JHY: variants seen among roughly 807,000 people sequenced by gnomAD.
The protein encoded by JHY is junctional cadherin complex regulator, also known as jhy protein homolog.
Under a neutral mutation model 78.0 loss-of-function variants are expected in JHY, and 69 were observed. The ratio of observed to expected loss-of-function variants is 0.88; its 90% CI spans 0.73 to 1.08. The LOEUF is 1.08. Ranked by LOEUF, JHY falls within the 50% of genes least tolerant of loss-of-function variation. The pLI, the probability that JHY is intolerant of heterozygous loss-of-function variation, is 0.00. For missense variants in JHY, 944 were observed against 927.8 expected, an observed-to-expected ratio of 1.02 and a Z score of -0.23; for synonymous variants, 368 against 342.6, an observed-to-expected ratio of 1.07 and a Z score of -0.82.
intron 2 of JHY, among the ~76,000 whole-genome samples, chr11:122,894,351 C>T (rs1862692195): frequency 6.6e-6 from 1 of 151,720 alleles, no homozygotes; most frequent in Non-Finnish European, 1.5e-5. Flanking sequence ...AAACAAAAAG[C>T]CACGTAAAAG....
chr11:122,885,757 TCAGGTAAC>T lies in JHY; in HGVS notation c.-89-3_-85del. ...CAGAGTAACATAAATATATTTTTTTTCAGGTAACGCTTTTGTGAACCACAACTTTAAAT... is the reference window on the plus strand; with the variant it reads ...CAGAGTAACATAAATATATTTTTTTTGCTTTTGTGAACCACAACTTTAAAT... On this transcript the variant is annotated splice_acceptor_variant and splice_polypyrimidine_tract_variant and 5_prime_UTR_variant and intron_variant, in exon 2 of 9. Transcript: ENST00000227349. LOFTEE classifies it low-confidence loss of function (5UTR_SPLICE). The T allele has an allele frequency of 1.1e-6, 1 of 935,602 alleles. No individual in the cohort carries two copies. Among genetic ancestry groups the T allele is most frequent in the Admixed American group, 2.5e-5 (1 of 40,598 alleles). The allele number at this position is 935,602 out of a possible 1,614,324, so 58.0% of individuals were successfully genotyped here.
intron 6 of JHY, among the ~76,000 whole-genome samples, chr11:122,954,641 G>A (rs528610973): frequency 6.6e-6 from 1 of 152,326 alleles, no homozygotes; most frequent in South Asian, 2.1e-4. Flanking sequence ...AGCACAGCTG[G>A]TCGCGGTGAC....
chr11:122,956,373 A>C, intron 6 of JHY, 123 bp from the exon 7 acceptor site: 1 of 615,616 alleles, frequency 1.6e-6, no homozygotes, highest in Non-Finnish European at 2.7e-6. Context: ...ATTCTCTGAC[A>C]GTGCACACAG....
chr11:122,916,915 T>C (rs1179723489), intron 3 of JHY, among the ~76,000 whole-genome samples: 10 of 152,130 alleles, frequency 6.6e-5, no homozygotes, highest in Non-Finnish European at 1.5e-4. Context: ...AGGCATGAGC[T>C]ACTGCACCTG....
chr11:122,939,751 A>G (rs139183763), intron 5 of JHY, among the ~76,000 whole-genome samples: 107 of 152,296 alleles, frequency 7.0e-4, no homozygotes, highest in African/African-American at 2.2e-3. Context: ...AACATTTTCT[A>G]TCTATTTACT....
At chr11:122,903,712 C>T (rs1862911541) in intron 2 of JHY, among the ~76,000 whole-genome samples, 1 of 152,060 alleles carries the variant, frequency 6.6e-6, no homozygotes, top group African/African-American at 2.4e-5. Flanking sequence ...GAACTCCTTG[C>T]TTCAAGCGAT....
chr11:122,929,240 GT>G (rs778372175), intron 4 of JHY, among the ~76,000 whole-genome samples: 2,030 of 80,074 alleles, frequency 0.025, 36 homozygotes, highest in African/African-American at 0.06. Flanking sequence ...GTTGTTTTTT[GT>G]TTTTTTTTTT....
At chr11:122,936,403 T>A (rs1489318136) in intron 5 of JHY, among the ~76,000 whole-genome samples, 3 of 151,958 alleles carry the variant, frequency 2.0e-5, no homozygotes, top group African/African-American at 7.2e-5. Flanking sequence ...GAAGAGATAA[T>A]GATAAATAGC....
chr11:122,931,021 G>C (rs935620200), intron 4 of JHY, among the ~76,000 whole-genome samples: 2 of 152,208 alleles, frequency 1.3e-5, no homozygotes, highest in Admixed American at 6.5e-5. Context: ...CACAATGGAG[G>C]GGGGGAATGA....
At chr11:122,920,316 A>G (rs1013041429) in intron 3 of JHY, among the ~76,000 whole-genome samples, 1 of 152,258 alleles carries the variant, frequency 6.6e-6, no homozygotes, top group Admixed American at 6.5e-5. Context: ...ACTCTATTTA[A>G]TTTGGATATG....
rs185575659 is a variant in JHY at position 122,904,480 on chromosome 11, A to G, written c.864+36A>G. 1.7e-5 allele frequency: 27 copies of G among 1,568,040 alleles called. No individual in the cohort carries two copies. In the Admixed American group the frequency reaches 2.8e-4, roughly 16 times the overall value. ...GCTACTTTAAAATGTCTTCTGAAAC[A>G]TTAAACCAGAATTTGCGTTTGTTTG... On this transcript the variant is annotated intron_variant, in intron 3 of 8. Coordinates refer to ENST00000227349, the MANE Select transcript of JHY (RefSeq NM_024806.4).
At chr11:122,891,853 A>G (rs1476075383) in intron 2 of JHY, among the ~76,000 whole-genome samples, 2 of 152,214 alleles carry the variant, frequency 1.3e-5, no homozygotes, top group Admixed American at 1.3e-4. Flanking sequence ...CTGAGCCACT[A>G]ATTACAAGTA....
chr11:122,902,039 G>C (rs1224681821), intron 2 of JHY, among the ~76,000 whole-genome samples: 1 of 151,964 alleles, frequency 6.6e-6, no homozygotes, highest in Admixed American at 6.6e-5. Context: ...CACATACGGA[G>C]CTGTCATCTC....
At chr11:122,942,884 C>G (rs1437731511) in intron 5 of JHY, among the ~76,000 whole-genome samples, 2 of 151,382 alleles carry the variant, frequency 1.3e-5, no homozygotes, top group Non-Finnish European at 3.0e-5. Context: ...GTATTTTCTT[C>G]TCTTTTTAGA....
chr11:122,940,592 C>G (rs1303518920), intron 5 of JHY, among the ~76,000 whole-genome samples: 1 of 152,050 alleles, frequency 6.6e-6, no homozygotes, highest in Non-Finnish European at 1.5e-5. Flanking sequence ...TACCAGATCT[C>G]CCCATTGTAA....
chr11:122,948,181 C>T (rs184910127), intron 6 of JHY, among the ~76,000 whole-genome samples: 7 of 151,902 alleles, frequency 4.6e-5, no homozygotes, highest in Admixed American at 3.3e-4. Context: ...TGGTGGCTAA[C>T]GCCTGTAATC....
At chr11:122,924,147 T>C (rs1338175238) in intron 3 of JHY, among the ~76,000 whole-genome samples, 1 of 152,142 alleles carries the variant, frequency 6.6e-6, no homozygotes, top group Non-Finnish European at 1.5e-5. Context: ...AGGGCATTAG[T>C]ATTTTTTTTA....
At position 122,957,498 on chromosome 11, in the gene JHY, A is replaced by G. The variant is rs547394302; in HGVS notation, c.2139+7A>G. On this transcript the variant is annotated splice_region_variant and intron_variant, in intron 8 of 8. Transcript: ENST00000227349. Reference sequence around the variant, plus strand: ...TGCTATCCCTCGGCAGAAGGTAAGAAATTCTCAACAAGGCATTTATTTTTT... The same window carrying G: ...TGCTATCCCTCGGCAGAAGGTAAGAGATTCTCAACAAGGCATTTATTTTTT... 6.5e-7 allele frequency: 1 copy of G among 1,530,990 alleles called. No homozygotes were observed. Among genetic ancestry groups the G allele is most frequent in the East Asian group, 2.5e-5 (1 of 39,246 alleles). The allele number at this position is 1,530,990 out of a possible 1,614,324, so 94.8% of individuals were successfully genotyped here. A position where few individuals can be genotyped will look rare whatever the true frequency, so the allele number is the denominator to read the frequency against.
chr11:122,928,810 G>A (rs559860986), intron 4 of JHY, among the ~76,000 whole-genome samples: 1 of 151,572 alleles, frequency 6.6e-6, no homozygotes, highest in East Asian at 1.9e-4. Context: ...CACCACGCCC[G>A]GCTAATTTTT....
Sources: gnomAD v4.1 joint callset for allele counts (sites outside exome capture counted in the v4.1 genomes callset) on GRCh38, gnomAD v4.1.1 for gene constraint, MANE v1.5 for transcripts, NCBI Gene and HGNC (gene_info 2026-07-23, HGNC 2026-07-21) for gene names.